NXPE2: variants seen among roughly 807,000 people sequenced by gnomAD.
NXPE2 encodes neurexophilin and PC-esterase domain family member 2, also known as NXPE family member 2.
In NXPE2, 34 loss-of-function variants were observed where a neutral mutation model predicts 34.4. That is an observed-to-expected ratio of 0.99 (90% CI 0.75 to 1.31). The LOEUF (loss-of-function observed/expected upper bound fraction) is 1.31. NXPE2 is among the 40% of genes most tolerant of loss of function. NXPE2 has a pLI of 0.00. For missense variants in NXPE2, 649 were observed against 672.5 expected, an observed-to-expected ratio of 0.97 and a Z score of 0.39; for synonymous variants, 235 against 231.3, an observed-to-expected ratio of 1.02 and a Z score of -0.15.
chr11:114,727,785 ACACAC>A, the NXPE2 span, among the ~76,000 whole-genome samples: 2 of 149,544 alleles, frequency 1.3e-5, no homozygotes, highest in African/African-American at 2.5e-5. Flanking sequence ...ACACACACAC[ACACAC>A]ACACACACAC....
the NXPE2 span, among the ~76,000 whole-genome samples, chr11:114,561,240 A>C: frequency 1.3e-5 from 2 of 152,222 alleles, no homozygotes; most frequent in Admixed American, 1.3e-4. Context: ...TCTGACACTT[A>C]GTTTAAGCAC....
intron 2 of NXPE2, among the ~76,000 whole-genome samples, chr11:114,692,512 G>C (rs1951172283): frequency 6.6e-6 from 1 of 152,192 alleles, no homozygotes; most frequent in South Asian, 2.1e-4. Flanking sequence ...CTGGAGCAAT[G>C]TTTCTGTGTG....
At chr11:114,487,426 A>G in the NXPE2 span, among the ~76,000 whole-genome samples, 4 of 152,318 alleles carry the variant, frequency 2.6e-5, no homozygotes, top group Admixed American at 2.6e-4. Flanking sequence ...ATACAAGCTC[A>G]CATCATCTGC....
the NXPE2 span, chr11:114,580,281 C>G: frequency 6.2e-7 from 1 of 1,614,070 alleles, no homozygotes; most frequent in South Asian, 1.1e-5. Flanking sequence ...GACATGCCCA[C>G]TGGGGATTGT....
chr11:114,779,431 G>A, the NXPE2 span, among the ~76,000 whole-genome samples: 6 of 152,110 alleles, frequency 3.9e-5, no homozygotes, highest in Admixed American at 6.5e-5. Context: ...GATGGTGGGC[G>A]AGGGAGGCCG....
the NXPE2 span, among the ~76,000 whole-genome samples, chr11:114,632,606 T>C: frequency 9.7e-6 from 1 of 103,402 alleles, no homozygotes; most frequent in Non-Finnish European, 1.7e-5. Flanking sequence ...TGTATATATT[T>C]ATATTTTATA....
the NXPE2 span, among the ~76,000 whole-genome samples, chr11:114,803,741 T>G: frequency 3.0e-4 from 45 of 152,082 alleles, no homozygotes; most frequent in Non-Finnish European, 5.0e-4. Flanking sequence ...CACGCCTGAC[T>G]CATTTTTTGT....
chr11:114,648,211 C>T, the NXPE2 span, among the ~76,000 whole-genome samples: 16 of 151,874 alleles, frequency 1.1e-4, no homozygotes, highest in Admixed American at 3.3e-4. Flanking sequence ...GGAGGGGCCC[C>T]GAGATGACCT....
chr11:114,685,637 A>G (rs1356564802), intron 2 of NXPE2, among the ~76,000 whole-genome samples: 1 of 152,074 alleles, frequency 6.6e-6, no homozygotes, highest in African/African-American at 2.4e-5. Context: ...TGGCAATTCT[A>G]GTGTGTGTAT....
At chr11:114,709,542 G>GT (rs1175335388), downstream of NXPE2, among the ~76,000 whole-genome samples, 1 of 152,150 alleles carries the variant, frequency 6.6e-6, no homozygotes. Flanking sequence ...TCATAGAAAT[G>GT]TTCTCTATTG....
At chr11:114,504,141 G>A in the NXPE2 span, among the ~76,000 whole-genome samples, 1 of 152,192 alleles carries the variant, frequency 6.6e-6, no homozygotes, top group Non-Finnish European at 1.5e-5. Context: ...GTCTGCAGGG[G>A]TGGGTTTTGC....
the NXPE2 span, among the ~76,000 whole-genome samples, chr11:114,719,087 T>C: frequency 3.3e-5 from 5 of 152,178 alleles, no homozygotes; most frequent in African/African-American, 1.2e-4. Context: ...TAAGATCTGT[T>C]CCTTGTATTA....
the NXPE2 span, among the ~76,000 whole-genome samples, chr11:114,665,789 C>T: frequency 3.1e-4 from 47 of 152,292 alleles, 1 homozygote; most frequent in Admixed American, 2.5e-3. Flanking sequence ...TTTAAAGTTT[C>T]TCCTTGGAAC....
the NXPE2 span, among the ~76,000 whole-genome samples, chr11:114,637,256 G>A: frequency 1.3e-5 from 2 of 151,694 alleles, no homozygotes; most frequent in Admixed American, 1.3e-4. Flanking sequence ...TTGGTTTAAA[G>A]TCTGTTTTAT....
chr11:114,788,439 C>T, the NXPE2 span, among the ~76,000 whole-genome samples: 8 of 152,130 alleles, frequency 5.3e-5, no homozygotes, highest in South Asian at 4.1e-4. Context: ...AAGGAGCAGC[C>T]GAACATCATC....
At chr11:114,492,637 C>T in the NXPE2 span, among the ~76,000 whole-genome samples, 9 of 151,680 alleles carry the variant, frequency 5.9e-5, no homozygotes, top group Admixed American at 5.9e-4. Flanking sequence ...GTCCTGGGTT[C>T]ACGCCATTCT....
downstream of NXPE2, among the ~76,000 whole-genome samples, chr11:114,707,914 G>A (rs141098262): frequency 1.1e-3 from 162 of 152,272 alleles, 1 homozygote; most frequent in African/African-American, 3.7e-3. Flanking sequence ...TTGTAAGTAT[G>A]TACTACATTT....
chr11:114,599,065 T>A, the NXPE2 span, among the ~76,000 whole-genome samples: 4 of 152,098 alleles, frequency 2.6e-5, no homozygotes, highest in African/African-American at 9.6e-5. Context: ...GTTTTACATC[T>A]TTTTTTTGCA....
the NXPE2 span, among the ~76,000 whole-genome samples, chr11:114,760,256 C>A: frequency 6.6e-6 from 1 of 152,148 alleles, no homozygotes; most frequent in South Asian, 2.1e-4. Context: ...CCTTGCTGGC[C>A]TCTTTCACCA....
Sources: allele counts gnomAD v4.1 joint callset (sites outside exome capture counted in the v4.1 genomes callset), GRCh38; gene constraint gnomAD v4.1.1; transcripts MANE v1.5; gene names NCBI Gene and HGNC (gene_info 2026-07-23, HGNC 2026-07-21).